The following CALD1 variants were observed in gnomAD, a reference collection of about 807,000 sequenced individuals.
The protein encoded by CALD1 is caldesmon 1.
CALD1 carries 33 observed loss-of-function variants against 99.9 expected under a neutral mutation model. The observed-to-expected ratio is 0.33, with a 90% CI of 0.25 to 0.44. The LOEUF (loss-of-function observed/expected upper bound fraction) is 0.44. CALD1 is among the 20% of genes least tolerant of loss of function. CALD1 has a pLI of 1.00. For synonymous variants in CALD1, 310 were observed against 325.0 expected (o/e 0.95, Z 0.50); for missense variants, 861 against 962.1 (o/e 0.89, Z 1.39).
At chr7:134,771,946 C>G (rs1404351333) in intron 1 of CALD1, among the ~76,000 whole-genome samples, 1 of 152,006 alleles carries the variant, frequency 6.6e-6, no homozygotes, top group Non-Finnish European at 1.5e-5. Context: ...TTACCACTGC[C>G]TGACATTATA....
chr7:134,947,928 G>A (rs1379032985), intron 8 of CALD1, 159 bp downstream of exon 8: 1 of 842,876 alleles, frequency 1.2e-6, no homozygotes, highest in African/African-American at 1.7e-5. Flanking sequence ...GTATTAATTT[G>A]TCCACTGCTT....
chr7:134,772,606 G>T (rs1796885880), intron 1 of CALD1, among the ~76,000 whole-genome samples: 1 of 152,128 alleles, frequency 6.6e-6, no homozygotes. Context: ...AAATCAATGT[G>T]CAATATTTAC....
At chr7:134,887,344 A>G (rs1011918972) in intron 3 of CALD1, among the ~76,000 whole-genome samples, 3 of 152,232 alleles carry the variant, frequency 2.0e-5, no homozygotes, top group Admixed American at 2.0e-4. Context: ...GCCTTTGAAT[A>G]TGTAAACTCC....
chr7:134,904,154 C>T (rs1456481447), intron 3 of CALD1, among the ~76,000 whole-genome samples: 2 of 152,000 alleles, frequency 1.3e-5, no homozygotes, highest in African/African-American at 4.8e-5. Context: ...ACCCAGGAGG[C>T]AGAGGTTGCA....
At chr7:134,784,049 T>C (rs888596915) in intron 1 of CALD1, among the ~76,000 whole-genome samples, 2 of 152,196 alleles carry the variant, frequency 1.3e-5, no homozygotes, top group South Asian at 2.1e-4. Context: ...AAGGGAATAG[T>C]TGAAGGAAAA....
chr7:134,839,968 A>C (rs1799587937), intron 1 of CALD1, among the ~76,000 whole-genome samples: 1 of 152,130 alleles, frequency 6.6e-6, no homozygotes, highest in African/African-American at 2.4e-5. Context: ...GATGTGTGGA[A>C]ATTTTTATAT....
intron 1 of CALD1, among the ~76,000 whole-genome samples, chr7:134,758,501 GGTGTGTGTGTGTGT>G (rs59389296): frequency 0.02 from 2,859 of 145,212 alleles, 83 homozygotes; most frequent in African/African-American, 0.065. Context: ...CTCCCATTGG[GGTGTGTGTGTGTGT>G]GTGTGTGTGT....
chr7:134,867,811 A>G lies in CALD1; in HGVS notation c.71+7A>G. 6.3e-7 allele frequency: 1 copy of G among 1,579,158 alleles called. No homozygotes were observed. The highest frequency in any genetic ancestry group is 1.3e-5 in the African/African-American group (1 of 74,360). ...TGCGACTCGAAGCAGAAAGGTAAGG[A>G]TCTAGGGTGAAAAATACTTGTATTC... On this transcript the variant is annotated splice_region_variant and intron_variant, in intron 3 of 14. Coordinates refer to ENST00000361675, the MANE Select transcript of CALD1 (RefSeq NM_033138.4).
intron 1 of CALD1, among the ~76,000 whole-genome samples, chr7:134,800,548 TTTG>T (rs1364889330): frequency 6.6e-6 from 1 of 152,116 alleles, no homozygotes; most frequent in African/African-American, 2.4e-5. Context: ...ACATGTTTCT[TTTG>T]TTATTTACTT....
intron 6 of CALD1, 92 bp from the exon 7 acceptor site, chr7:134,941,000 C>T: frequency 9.8e-7 from 1 of 1,017,244 alleles, no homozygotes. Context: ...TTTCTGCCTT[C>T]CTAACAATTT....
At chr7:134,719,751 G>A in the CALD1 span, among the ~76,000 whole-genome samples, 1 of 152,204 alleles carries the variant, frequency 6.6e-6, no homozygotes, top group South Asian at 2.1e-4. Context: ...CCCCAATCTG[G>A]TTTGGACAAG....
At chr7:134,733,874 G>A in the CALD1 span, among the ~76,000 whole-genome samples, 5 of 150,608 alleles carry the variant, frequency 3.3e-5, no homozygotes, top group Admixed American at 3.3e-4. Context: ...ATTATATAAT[G>A]TCATAATTGT....
At position 134,867,791 on chromosome 7, in the gene CALD1, C is replaced by T; in HGVS notation, c.58C>T (p.Leu20Phe). Residue 20 changes from leucine (L) to phenylalanine (F), a missense_variant, in exon 3 of 15, where the codon CTC becomes TTC. Transcript: ENST00000361675. ...AAGGCAAAAGAGGGAGGAGATGCGA[C>T]TCGAAGCAGAAAGGTAAGGATCTAG... ...LRRQKREEMR[L>F]EAERIAYQRN... is the part of the protein sequence containing the mutation. 1 of 1,602,822 alleles carries T rather than the reference C, an allele frequency of 6.2e-7. No individual in the cohort carries two copies. Among genetic ancestry groups the T allele is most frequent in the Non-Finnish European group, 8.5e-7 (1 of 1,171,262 alleles).
chr7:134,891,384 G>A, intron 3 of CALD1: 2 of 1,256,170 alleles, frequency 1.6e-6, no homozygotes, highest in Non-Finnish European at 2.0e-6. Context: ...GCTCTCTGAT[G>A]ATCCTGTGAG....
chr7:134,948,317 T>C (rs746905651), intron 8 of CALD1, among the ~76,000 whole-genome samples: 9 of 142,698 alleles, frequency 6.3e-5, no homozygotes, highest in Non-Finnish European at 1.2e-4. Context: ...CAGGACCCCA[T>C]ACCGTGCCTG....
intron 1 of CALD1, among the ~76,000 whole-genome samples, chr7:134,788,484 G>A (rs1368357737): frequency 6.6e-6 from 1 of 152,176 alleles, no homozygotes; most frequent in East Asian, 1.9e-4. Context: ...GGTAAAATTA[G>A]CCTCTGCATT....
chr7:134,756,908 T>C (rs973488046), intron 1 of CALD1, among the ~76,000 whole-genome samples: 1 of 152,236 alleles, frequency 6.6e-6, no homozygotes, highest in African/African-American at 2.4e-5. Context: ...TGAATAAATA[T>C]ATGCAGAATG....
At chr7:134,903,553 T>G (rs985942813) in intron 3 of CALD1, among the ~76,000 whole-genome samples, 1 of 152,088 alleles carries the variant, frequency 6.6e-6, no homozygotes. Context: ...TGTCCTCACT[T>G]CTGGTGGTTT....
At chr7:134,943,307 T>A (rs879609970) in intron 7 of CALD1, among the ~76,000 whole-genome samples, 1 of 87,736 alleles carries the variant, frequency 1.1e-5, no homozygotes, top group Non-Finnish European at 2.3e-5. Flanking sequence ...GTGGTGGGGG[T>A]GGGGTGCGGG....
Sources: allele counts gnomAD v4.1 joint callset (sites outside exome capture counted in the v4.1 genomes callset), GRCh38; gene constraint gnomAD v4.1.1; transcripts MANE v1.5; gene names NCBI Gene and HGNC (gene_info 2026-07-23, HGNC 2026-07-21).